Variants in RANBP2 observed in about 807,000 individuals in gnomAD.
RANBP2 encodes the protein E3 SUMO-protein ligase RanBP2.
A neutral mutation model predicts 303.6 loss-of-function variants in RANBP2; 57 were observed. That is an observed-to-expected ratio of 0.19 (90% CI 0.15 to 0.23). RANBP2 has a LOEUF of 0.23. RANBP2 is among the 10% of genes least tolerant of loss of function. The pLI is 1.00. For missense variants in RANBP2, 3,138 were observed against 3,780.8 expected (o/e 0.83, Z 4.46); for synonymous variants, 1,167 against 1,301.5 (o/e 0.90, Z 2.23).
At chr2:108,972,951 A>C in the RANBP2 span, among the ~76,000 whole-genome samples, 1 of 152,172 alleles carries the variant, frequency 6.6e-6, no homozygotes, top group Admixed American at 6.5e-5. Context: ...TCTTAGGAAG[A>C]GGTCTCAGCA....
chr2:109,140,485 A>G, the RANBP2 span, among the ~76,000 whole-genome samples: 2 of 151,608 alleles, frequency 1.3e-5, no homozygotes, highest in African/African-American at 4.9e-5. Context: ...GGTTCACACC[A>G]TTCTCCTGTC....
the RANBP2 span, among the ~76,000 whole-genome samples, chr2:109,677,328 TC>T: frequency 2.6e-5 from 4 of 152,110 alleles, no homozygotes; most frequent in East Asian, 5.8e-4. Context: ...CCGACGTTTC[TC>T]TGAATCTTGG....
chr2:109,659,184 A>G, the RANBP2 span, among the ~76,000 whole-genome samples: 1 of 151,980 alleles, frequency 6.6e-6, no homozygotes, highest in African/African-American at 2.4e-5. Flanking sequence ...TGAGACCAGC[A>G]TGGCCAACAC....
At chr2:109,343,703 C>T in the RANBP2 span, among the ~76,000 whole-genome samples, 1 of 151,772 alleles carries the variant, frequency 6.6e-6, no homozygotes, top group Non-Finnish European at 1.5e-5. Flanking sequence ...CGTACAATCT[C>T]CAGTCTGCCC....
At chr2:109,156,436 G>T in the RANBP2 span, among the ~76,000 whole-genome samples, 1 of 152,020 alleles carries the variant, frequency 6.6e-6, no homozygotes, top group Non-Finnish European at 1.5e-5. Flanking sequence ...TACACTAAGG[G>T]ATGAATTTTA....
the RANBP2 span, among the ~76,000 whole-genome samples, chr2:109,297,113 C>T: frequency 6.6e-6 from 1 of 151,996 alleles, no homozygotes; most frequent in Middle Eastern, 3.4e-3. Context: ...CCCAATACGG[C>T]TCCACAGAGA....
At chr2:108,817,440 G>A in the RANBP2 span, among the ~76,000 whole-genome samples, 2 of 151,984 alleles carry the variant, frequency 1.3e-5, no homozygotes, top group African/African-American at 4.8e-5. Flanking sequence ...CTACAGGTGT[G>A]TGCCACCACG....
At chr2:109,050,897 T>C in the RANBP2 span, among the ~76,000 whole-genome samples, 274 of 152,276 alleles carry the variant, frequency 1.8e-3, 1 homozygote, top group African/African-American at 6.1e-3. Context: ...GTAATATATA[T>C]AAACGTATAA....
downstream of RANBP2, chr2:108,788,983 C>G: frequency 6.2e-7 from 1 of 1,613,328 alleles, no homozygotes; most frequent in Non-Finnish European, 8.5e-7. Flanking sequence ...TACCCTGAAA[C>G]TTTACTGTTG....
the RANBP2 span, among the ~76,000 whole-genome samples, chr2:109,145,836 C>T: frequency 6.6e-6 from 1 of 152,150 alleles, no homozygotes; most frequent in Non-Finnish European, 1.5e-5. Context: ...GCTTCCACAT[C>T]ACCAGGCTGA....
At chr2:108,862,074 T>G in the RANBP2 span, among the ~76,000 whole-genome samples, 7 of 85,234 alleles carry the variant, frequency 8.2e-5, no homozygotes, top group Non-Finnish European at 1.7e-4. Context: ...TGGTATGATT[T>G]CAGTTTTTTT....
At chr2:109,587,038 G>A in the RANBP2 span, among the ~76,000 whole-genome samples, 1 of 152,068 alleles carries the variant, frequency 6.6e-6, no homozygotes, top group South Asian at 2.1e-4. Context: ...AAGAAAGAAA[G>A]TCAACAGAAA....
At chr2:109,297,127 A>G in the RANBP2 span, among the ~76,000 whole-genome samples, 3 of 151,960 alleles carry the variant, frequency 2.0e-5, no homozygotes, top group African/African-American at 7.3e-5. Context: ...ACAGAGAGTA[A>G]GAAAGCTGTG....
chr2:109,354,437 G>T, the RANBP2 span, among the ~76,000 whole-genome samples: 1 of 152,366 alleles, frequency 6.6e-6, no homozygotes, highest in South Asian at 2.1e-4. Context: ...GCAGGGCTGT[G>T]GGCCACTCAT....
the RANBP2 span, chr2:109,552,958 T>C: frequency 9.6e-7 from 1 of 1,037,536 alleles, no homozygotes; most frequent in East Asian, 2.4e-5. Context: ...ATACTATGTG[T>C]TGGAAAAGCT....
the RANBP2 span, among the ~76,000 whole-genome samples, chr2:109,339,807 T>C: frequency 6.6e-6 from 1 of 152,186 alleles, no homozygotes; most frequent in Non-Finnish European, 1.5e-5. Context: ...CTGAATTGGA[T>C]AAATGTAAAC....
At chr2:108,986,157 T>C in the RANBP2 span, among the ~76,000 whole-genome samples, 4 of 152,162 alleles carry the variant, frequency 2.6e-5, no homozygotes, top group African/African-American at 9.7e-5. Flanking sequence ...CCAAATGCCA[T>C]TTTGAGTTTT....
the RANBP2 span, among the ~76,000 whole-genome samples, chr2:108,860,904 G>A: frequency 1.5e-5 from 2 of 129,434 alleles, no homozygotes; most frequent in African/African-American, 5.6e-5. Flanking sequence ...TCATCTGGTA[G>A]AATTTGGCTG....
chr2:109,028,374 G>C, the RANBP2 span, among the ~76,000 whole-genome samples: 1 of 152,194 alleles, frequency 6.6e-6, no homozygotes, highest in African/African-American at 2.4e-5. Context: ...TGCATGCTGG[G>C]CCACGGCCCT....
Sources: allele counts gnomAD v4.1 joint callset (sites outside exome capture counted in the v4.1 genomes callset), GRCh38; gene constraint gnomAD v4.1.1; transcripts MANE v1.5; gene names NCBI Gene and HGNC (gene_info 2026-07-23, HGNC 2026-07-21).